Variants in RIPOR2 observed in about 807,000 individuals in gnomAD.
RIPOR2 encodes the protein rho family-interacting cell polarization regulator 2.
RIPOR2 carries 39 observed loss-of-function variants against 114.5 expected under a neutral mutation model. That is an observed-to-expected ratio of 0.34 (90% CI 0.26 to 0.44). RIPOR2 has a LOEUF of 0.44. Among genes scored for constraint, RIPOR2 ranks in the 20% least tolerant of loss-of-function variants. RIPOR2 has a pLI of 1.00. For synonymous variants in RIPOR2, 445 were observed against 484.4 expected (o/e 0.92, Z 1.07); for missense variants, 1,007 against 1,255.1 (o/e 0.80, Z 2.99).
At chr6:25,021,615 C>G (rs142515125) in intron 1 of RIPOR2, among the ~76,000 whole-genome samples, 22 of 152,126 alleles carry the variant, frequency 1.4e-4, no homozygotes, top group African/African-American at 3.9e-4. Flanking sequence ...AAGAAAGACA[C>G]AAAGAACTCT....
chr6:24,956,546 T>A (rs1301937273), intron 1 of RIPOR2, among the ~76,000 whole-genome samples: 1 of 152,252 alleles, frequency 6.6e-6, no homozygotes. Context: ...AATATTTCAT[T>A]TAATCCTCAT....
chr6:24,818,456 A>G, intron 20 of RIPOR2, 86 bp downstream of exon 20: 1 of 690,136 alleles, frequency 1.4e-6, no homozygotes. Flanking sequence ...AAGTACTTTC[A>G]AACATGAAAG....
At chr6:24,965,076 A>C (rs929961832) in intron 1 of RIPOR2, among the ~76,000 whole-genome samples, 4 of 151,854 alleles carry the variant, frequency 2.6e-5, no homozygotes, top group Non-Finnish European at 5.9e-5. Flanking sequence ...TATCTTCCAT[A>C]TCTTTTAACC....
At chr6:24,884,927 GA>G (rs1300168160) in intron 1 of RIPOR2, among the ~76,000 whole-genome samples, 1 of 151,964 alleles carries the variant, frequency 6.6e-6, no homozygotes, top group East Asian at 1.9e-4. Context: ...TAACTCACTT[GA>G]AAAAAAGAAA....
chr6:24,888,139 C>A (rs1298879317), intron 1 of RIPOR2, among the ~76,000 whole-genome samples: 1 of 152,082 alleles, frequency 6.6e-6, no homozygotes, highest in Non-Finnish European at 1.5e-5. Context: ...CCATGTATAT[C>A]AAAAAAGGAA....
chr6:24,884,844 GA>G, intron 1 of RIPOR2, among the ~76,000 whole-genome samples: 1 of 152,178 alleles, frequency 6.6e-6, no homozygotes, highest in East Asian at 1.9e-4. Flanking sequence ...AAAACACAGA[GA>G]AAACGACGAA....
At position 25,031,550 on chromosome 6, in the gene RIPOR2, T is replaced by C. The variant is rs182223352; in HGVS notation, c.76+10301A>G. On this transcript the variant is annotated intron_variant, in intron 1 of 13. Transcript: ENST00000510784. ...AATTTTTTTAAACTATGAACAAAGA[T>C]TGACTGATATATATATATATATACA... 5.9e-3 allele frequency among the ~76,000 whole-genome samples: 862 copies of C among 147,054 alleles called. 24 individuals are homozygous for C. The East Asian group carries it at 0.059, about 10-fold the overall frequency.
chr6:25,020,289 A>T (rs1217351293), intron 1 of RIPOR2, among the ~76,000 whole-genome samples: 1 of 152,254 alleles, frequency 6.6e-6, no homozygotes, highest in Non-Finnish European at 1.5e-5. Context: ...CTTTTCCCTC[A>T]GCCAAATGAT....
chr6:24,954,456 C>CTCTTTT (rs1772936229), intron 1 of RIPOR2, among the ~76,000 whole-genome samples: 1 of 132,390 alleles, frequency 7.6e-6, no homozygotes, highest in East Asian at 2.3e-4. Context: ...TCTCTCTCTC[C>CTCTTTT]TTTTTTTTTT....
chr6:24,890,649 ATTTTTTTC>A (rs1251549474), intron 1 of RIPOR2, among the ~76,000 whole-genome samples: 1 of 150,034 alleles, frequency 6.7e-6, no homozygotes, highest in Non-Finnish European at 1.5e-5. Context: ...TACCCAATAG[ATTTTTTTC>A]TTTTTTTTTT....
intron 10 of RIPOR2, 49 bp downstream of exon 10, chr6:24,850,548 C>T: frequency 6.2e-7 from 1 of 1,609,464 alleles, no homozygotes; most frequent in Non-Finnish European, 8.5e-7. Flanking sequence ...ACCAATGGAT[C>T]ATCCAGCCGT....
At chr6:24,958,953 A>ATT (rs552726204) in intron 1 of RIPOR2, among the ~76,000 whole-genome samples, 1 of 11,302 alleles carries the variant, frequency 8.8e-5, no homozygotes, top group African/African-American at 2.5e-4. Flanking sequence ...CAAGCTCTAC[A>ATT]TTTTCTTTTT....
At chr6:24,953,025 T>C (rs1772852496) in intron 1 of RIPOR2, among the ~76,000 whole-genome samples, 1 of 151,946 alleles carries the variant, frequency 6.6e-6, no homozygotes, top group South Asian at 2.1e-4. Flanking sequence ...GTATTTGGAG[T>C]AAGGAAGTAT....
intron 16 of RIPOR2, among the ~76,000 whole-genome samples, chr6:24,830,995 C>T (rs1398391001): frequency 1.3e-5 from 2 of 152,064 alleles, no homozygotes; most frequent in Non-Finnish European, 2.9e-5. Context: ...GGATTATAAG[C>T]GTGAGCCACC....
chr6:24,888,403 T>TA (rs1253109651), intron 1 of RIPOR2, among the ~76,000 whole-genome samples: 1 of 152,246 alleles, frequency 6.6e-6, no homozygotes, highest in Non-Finnish European at 1.5e-5. Flanking sequence ...ATCAAAATGA[T>TA]ACTGACATCC....
At chr6:24,847,027 C>G (rs1037837515) in intron 12 of RIPOR2, among the ~76,000 whole-genome samples, 3 of 152,188 alleles carry the variant, frequency 2.0e-5, no homozygotes, top group African/African-American at 7.2e-5. Flanking sequence ...TCTTGGCTAA[C>G]TGCAACCTCT....
chr6:25,007,698 G>A (rs148342966), intron 1 of RIPOR2, among the ~76,000 whole-genome samples: 41 of 151,438 alleles, frequency 2.7e-4, no homozygotes, highest in Non-Finnish European at 3.5e-4. Flanking sequence ...CTTCCTTCTC[G>A]GTGATCTTAG....
chr6:24,902,705 A>C (rs996857689), intron 1 of RIPOR2, among the ~76,000 whole-genome samples: 1 of 152,194 alleles, frequency 6.6e-6, no homozygotes, highest in Non-Finnish European at 1.5e-5. Context: ...CAATGGTACC[A>C]ACTCCACTTT....
At chr6:24,975,375 A>G (rs9356950) in intron 1 of RIPOR2, among the ~76,000 whole-genome samples, 27,243 of 152,182 alleles carry the variant, frequency 0.18, 3,155 homozygotes, top group East Asian at 0.56. Context: ...ACGGTAAAAA[A>G]CTAGGCAAAC....
Sources: allele counts gnomAD v4.1 joint callset (sites outside exome capture counted in the v4.1 genomes callset), GRCh38; gene constraint gnomAD v4.1.1; transcripts MANE v1.5; gene names NCBI Gene and HGNC (gene_info 2026-07-23, HGNC 2026-07-21).